TRIM33: variants seen among roughly 807,000 people sequenced by gnomAD.
TRIM33 encodes the protein tripartite motif containing 33.
A neutral mutation model predicts 125.4 loss-of-function variants in TRIM33; 20 were observed. That is an observed-to-expected ratio of 0.16 (90% CI 0.11 to 0.23). TRIM33 has a LOEUF of 0.23. Among genes scored for constraint, TRIM33 ranks in the 10% least tolerant of loss-of-function variants. The pLI is 1.00. For missense variants in TRIM33, 920 were observed against 1,411.4 expected (o/e 0.65, Z 5.58); for synonymous variants, 564 against 513.9 (o/e 1.10, Z -1.32).
intron 1 of TRIM33, among the ~76,000 whole-genome samples, chr1:114,503,516 T>G (rs894063999): frequency 6.6e-6 from 1 of 152,210 alleles, no homozygotes; most frequent in East Asian, 1.9e-4. Context: ...AATCTATTTA[T>G]TATTGCTCTG....
rs570827970 is a variant in TRIM33, at chr1:114,465,627, G to A, written c.527-1239C>T. On this transcript the variant is annotated intron_variant, in intron 1 of 19. Coordinates refer to ENST00000358465, the MANE Select transcript of TRIM33 (RefSeq NM_015906.4). ...GCCAGCCTGGACAACATAGTGAGAC[G>A]CCATCTCTAATTTTAAAATAAAATA... Among the ~76,000 whole-genome samples, 54 of 151,994 alleles carry A rather than the reference G, an allele frequency of 3.6e-4. 1 individual carries two copies. The highest frequency in any genetic ancestry group is 1.8e-3 in the Admixed American group (28 of 15,270).
intron 8 of TRIM33, among the ~76,000 whole-genome samples, chr1:114,426,617 T>C (rs929731974): frequency 3.3e-5 from 5 of 152,084 alleles, no homozygotes; most frequent in Non-Finnish European, 5.9e-5. Context: ...TAAATAGCTC[T>C]CTAATTGCTA....
intron 7 of TRIM33, 124 bp from the exon 8 acceptor site, chr1:114,427,418 T>A (rs1647660446): frequency 1.6e-6 from 1 of 606,168 alleles, no homozygotes; most frequent in African/African-American, 1.9e-5. Context: ...TTAGGCAGCA[T>A]CAACATTTAA....
At chr1:114,453,167 C>T (rs1324439676) in intron 4 of TRIM33, among the ~76,000 whole-genome samples, 1 of 151,932 alleles carries the variant, frequency 6.6e-6, no homozygotes, top group Non-Finnish European at 1.5e-5. Context: ...AGTTTGAGAC[C>T]AGCCTGACCA....
intron 1 of TRIM33, among the ~76,000 whole-genome samples, chr1:114,489,435 G>C (rs1651911941): frequency 6.6e-6 from 1 of 152,094 alleles, no homozygotes; most frequent in Admixed American, 6.6e-5. Flanking sequence ...ATATAAATTG[G>C]ACCTCATCAA....
intron 11 of TRIM33, among the ~76,000 whole-genome samples, chr1:114,420,096 A>C (rs1044824493): frequency 6.6e-6 from 1 of 152,258 alleles, no homozygotes; most frequent in Non-Finnish European, 1.5e-5. Context: ...AACTAAATTC[A>C]GTATAACGCT....
At chr1:114,404,853 G>T (rs1652133420) in intron 15 of TRIM33, 1 of 147,550 alleles carries the variant, frequency 6.8e-6, no homozygotes, top group Non-Finnish European at 1.5e-5. Context: ...AAAAAGCTGG[G>T]TTTACCCCAA....
intron 15 of TRIM33, 35 bp from the exon 16 acceptor site, chr1:114,402,918 T>A (rs1183534814): frequency 4.4e-6 from 7 of 1,580,208 alleles, no homozygotes; most frequent in Non-Finnish European, 5.1e-6. Flanking sequence ...TCCACGTAAT[T>A]ATAAGAAAGC....
rs1325875792 is a variant in TRIM33 at position 114,393,495 on chromosome 1, A to G, written c.*4153T>C. On this transcript the variant is annotated 3_prime_UTR_variant, in exon 20 of 20. Coordinates refer to ENST00000358465, the MANE Select transcript of TRIM33 (RefSeq NM_015906.4). ...AGATCACTTTCTAGAAAAGGGCTAA[A>G]CTTAACTTTGTACACTTTGTAGTTT... The G allele has an allele frequency of 1.5e-5, 3 of 200,790 alleles. No homozygotes were observed. The highest frequency in any genetic ancestry group is 6.9e-5 in the African/African-American group (3 of 43,558). The allele number at this position is 200,790 out of a possible 1,614,324, so 12.4% of individuals were successfully genotyped here.
chr1:114,480,340 T>G (rs1570633787), intron 1 of TRIM33, among the ~76,000 whole-genome samples: 1 of 152,062 alleles, frequency 6.6e-6, no homozygotes, highest in Non-Finnish European at 1.5e-5. Flanking sequence ...CACAAACACT[T>G]CGGAAGGCCG....
intron 11 of TRIM33, among the ~76,000 whole-genome samples, chr1:114,419,935 T>C (rs986447283): frequency 6.6e-6 from 1 of 152,132 alleles, no homozygotes; most frequent in African/African-American, 2.4e-5. Flanking sequence ...TTAAAACTTT[T>C]ACATAAGCCC....
At chr1:114,413,628 TAAA>T (rs34538412) in intron 11 of TRIM33, among the ~76,000 whole-genome samples, 924 of 50,798 alleles carry the variant, frequency 0.018, 31 homozygotes, top group African/African-American at 0.075. Context: ...AGCAAAACTG[TAAA>T]AAAAAAAAAA....
chr1:114,464,225 G>A, intron 2 of TRIM33, 45 bp downstream of exon 2: 2 of 1,024,530 alleles, frequency 2.0e-6, no homozygotes, highest in Non-Finnish European at 2.9e-6. Context: ...ATAACTTACA[G>A]TTTGATATCA....
chr1:114,410,736 C>A (rs1274160133), intron 11 of TRIM33, among the ~76,000 whole-genome samples: 4 of 151,696 alleles, frequency 2.6e-5, no homozygotes, highest in East Asian at 1.9e-4. Context: ...ATTCTTATAG[C>A]CCACAGAAAG....
intron 1 of TRIM33, among the ~76,000 whole-genome samples, chr1:114,475,233 G>A (rs1054560369): frequency 6.6e-6 from 1 of 152,122 alleles, no homozygotes; most frequent in Non-Finnish European, 1.5e-5. Context: ...TAAAAACAAT[G>A]AGAAATATAC....
At chr1:114,469,490 A>G (rs1454615582) in intron 1 of TRIM33, among the ~76,000 whole-genome samples, 1 of 152,188 alleles carries the variant, frequency 6.6e-6, no homozygotes, top group Non-Finnish European at 1.5e-5. Context: ...TCTGTCAGAG[A>G]GATGTGATAT....
At chr1:114,432,198 TAC>T (rs1249785184) in intron 5 of TRIM33, among the ~76,000 whole-genome samples, 9 of 152,232 alleles carry the variant, frequency 5.9e-5, no homozygotes, top group Non-Finnish European at 1.3e-4. Context: ...TACTTTTGTA[TAC>T]AGATTCTGGA....
At chr1:114,499,310 T>C (rs375327969) in intron 1 of TRIM33, among the ~76,000 whole-genome samples, 1 of 152,092 alleles carries the variant, frequency 6.6e-6, no homozygotes, top group Non-Finnish European at 1.5e-5. Context: ...TGTAAAGTAT[T>C]AATTAGATCA....
intron 1 of TRIM33, among the ~76,000 whole-genome samples, chr1:114,486,717 TA>T (rs1227450730): frequency 6.6e-6 from 1 of 151,654 alleles, no homozygotes; most frequent in Non-Finnish European, 1.5e-5. Context: ...TGTGGAACAA[TA>T]AAAAACTAGC....
Sources: allele counts gnomAD v4.1 joint callset (sites outside exome capture counted in the v4.1 genomes callset), GRCh38; gene constraint gnomAD v4.1.1; transcripts MANE v1.5; gene names NCBI Gene and HGNC (gene_info 2026-07-23, HGNC 2026-07-21).